The following MAGI1 variants were observed in gnomAD, a reference collection of about 807,000 sequenced individuals.
MAGI1 encodes membrane associated guanylate kinase, WW and PDZ domain containing 1.
In MAGI1, 58 loss-of-function variants were observed where a neutral mutation model predicts 139.9. The observed-to-expected ratio is 0.41, with a 90% CI of 0.34 to 0.52. The LOEUF (loss-of-function observed/expected upper bound fraction) is 0.52, where lower values mean the gene tolerates loss of function less well. MAGI1 is among the 20% of genes least tolerant of loss of function. The pLI is 0.12. For missense variants in MAGI1, 1,874 were observed against 1,901.6 expected, an observed-to-expected ratio of 0.99 and a Z score of 0.27; for synonymous variants, 812 against 737.9, an observed-to-expected ratio of 1.10 and a Z score of -1.63.
intron 14 of MAGI1, among the ~76,000 whole-genome samples, chr3:65,385,309 G>A (rs1003048154): frequency 1.3e-5 from 2 of 152,046 alleles, no homozygotes; most frequent in Admixed American, 6.6e-5. Flanking sequence ...TACATAGGGT[G>A]TTTTATGACC....
intron 1 of MAGI1, among the ~76,000 whole-genome samples, chr3:65,779,741 G>A (rs1432975762): frequency 6.6e-6 from 1 of 152,184 alleles, no homozygotes. Context: ...GCACCATGGA[G>A]AGAAAGATCT....
chr3:65,545,953 T>TAATGTACTAATGTACATTTTTAATTA (rs1385548435), intron 2 of MAGI1, among the ~76,000 whole-genome samples: 2 of 151,454 alleles, frequency 1.3e-5, no homozygotes, highest in Non-Finnish European at 2.9e-5. Flanking sequence ...AATTAGTACA[T>TAATGTACTAATGTACATTTTTAATTA]GGGCATAATG....
intron 1 of MAGI1, among the ~76,000 whole-genome samples, chr3:65,647,151 C>T (rs1217258063): frequency 1.3e-5 from 2 of 152,058 alleles, no homozygotes; most frequent in East Asian, 3.9e-4. Context: ...CAACTTAAGA[C>T]ACAAACTGCC....
chr3:65,664,008 T>C (rs1255874736), intron 1 of MAGI1, among the ~76,000 whole-genome samples: 1 of 152,196 alleles, frequency 6.6e-6, no homozygotes, highest in Non-Finnish European at 1.5e-5. Flanking sequence ...TAAATCCTCA[T>C]GAAGAAATAA....
intron 1 of MAGI1, among the ~76,000 whole-genome samples, chr3:65,961,315 T>G (rs1273599684): frequency 6.6e-6 from 1 of 152,158 alleles, no homozygotes; most frequent in East Asian, 1.9e-4. Context: ...ATAATGCATT[T>G]CCCCTCACCT....
intron 1 of MAGI1, among the ~76,000 whole-genome samples, chr3:65,890,115 C>T (rs1363185317): frequency 3.7e-5 from 4 of 107,138 alleles, no homozygotes; most frequent in African/African-American, 1.1e-4. Flanking sequence ...CCTGTAATCC[C>T]GGCACTTTGG....
chr3:66,034,987 A>T (rs1208375332), intron 1 of MAGI1, among the ~76,000 whole-genome samples: 2 of 152,210 alleles, frequency 1.3e-5, no homozygotes, highest in Non-Finnish European at 2.9e-5. Context: ...GATTAACATG[A>T]GTGCATACAT....
chr3:65,961,162 T>A (rs1423971340), intron 1 of MAGI1, among the ~76,000 whole-genome samples: 1 of 152,336 alleles, frequency 6.6e-6, no homozygotes, highest in Non-Finnish European at 1.5e-5. Context: ...CCATTTGGTG[T>A]ACCCCTGCAA....
chr3:65,762,800 G>A (rs967596161), intron 1 of MAGI1, among the ~76,000 whole-genome samples: 3 of 152,110 alleles, frequency 2.0e-5, no homozygotes, highest in Admixed American at 2.0e-4. Context: ...CAGAAATTGA[G>A]TATCTCAAAA....
At chr3:65,466,566 TC>T (rs1950186880) in intron 5 of MAGI1, among the ~76,000 whole-genome samples, 1 of 152,058 alleles carries the variant, frequency 6.6e-6, no homozygotes, top group South Asian at 2.1e-4. Flanking sequence ...TCACTATTGC[TC>T]CCAAGCTGGC....
chr3:65,534,086 C>T (rs112279412), intron 2 of MAGI1, among the ~76,000 whole-genome samples: 16 of 152,224 alleles, frequency 1.1e-4, no homozygotes, highest in African/African-American at 3.6e-4. Context: ...GATTCCTGTT[C>T]CTGGATTCCT....
At chr3:65,423,075 G>C (rs915276561) in intron 12 of MAGI1, among the ~76,000 whole-genome samples, 2 of 152,184 alleles carry the variant, frequency 1.3e-5, no homozygotes, top group African/African-American at 2.4e-5. Context: ...AACCAAGTTT[G>C]AGTACACTGA....
At chr3:65,624,632 G>T (rs956019907) in intron 1 of MAGI1, among the ~76,000 whole-genome samples, 1 of 152,098 alleles carries the variant, frequency 6.6e-6, no homozygotes, top group Non-Finnish European at 1.5e-5. Context: ...TACAGAGAGC[G>T]GAAGGTAGGC....
intron 1 of MAGI1, among the ~76,000 whole-genome samples, chr3:65,906,313 A>G (rs1185814334): frequency 2.0e-5 from 3 of 152,164 alleles, no homozygotes; most frequent in Non-Finnish European, 4.4e-5. Flanking sequence ...TGGGTGCTTA[A>G]AGAGAGGTTA....
chr3:65,887,075 G>C (rs948645204), intron 1 of MAGI1, among the ~76,000 whole-genome samples: 1 of 152,068 alleles, frequency 6.6e-6, no homozygotes, highest in Non-Finnish European at 1.5e-5. Context: ...ATTAAGAATA[G>C]TCTAAGTTGA....
At chr3:65,367,663 G>C (rs1941564376) in intron 18 of MAGI1, among the ~76,000 whole-genome samples, 1 of 152,082 alleles carries the variant, frequency 6.6e-6, no homozygotes, top group Admixed American at 6.6e-5. Flanking sequence ...GAAGACACTG[G>C]GGTGTAGAAA....
chr3:66,032,180 G>A (rs1316332121), intron 1 of MAGI1, among the ~76,000 whole-genome samples: 2 of 151,520 alleles, frequency 1.3e-5, no homozygotes, highest in African/African-American at 4.8e-5. Context: ...TAGTCATTCA[G>A]GCATCCAACC....
At chr3:65,365,045 A>T in intron 18 of MAGI1, 99 bp from the exon 19 acceptor site, 1 of 917,930 alleles carries the variant, frequency 1.1e-6, no homozygotes, top group Non-Finnish European at 1.8e-6. Context: ...AACAAGTGTG[A>T]CTTCTCTGTC....
At chr3:65,610,970 A>G (rs1448120405) in intron 2 of MAGI1, among the ~76,000 whole-genome samples, 2 of 138,312 alleles carry the variant, frequency 1.4e-5, no homozygotes, top group African/African-American at 5.2e-5. Flanking sequence ...TAGTATATAG[A>G]CACTATATAG....
Sources: gnomAD v4.1 joint callset for allele counts (sites outside exome capture counted in the v4.1 genomes callset) on GRCh38, gnomAD v4.1.1 for gene constraint, MANE v1.5 for transcripts, NCBI Gene and HGNC (gene_info 2026-07-23, HGNC 2026-07-21) for gene names.